Variants in EIF5B observed in about 807,000 individuals in gnomAD.
EIF5B encodes eukaryotic translation initiation factor 5B.
A neutral mutation model predicts 147.5 loss-of-function variants in EIF5B; 47 were observed. The ratio of observed to expected loss-of-function variants is 0.32; its 90% CI spans 0.25 to 0.41. EIF5B has a LOEUF of 0.41. EIF5B is among the 10% of genes least tolerant of loss of function. EIF5B has a pLI of 1.00. For synonymous variants in EIF5B, 455 were observed against 456.2 expected (o/e 1.00, Z 0.03); for missense variants, 1,064 against 1,413.2 (o/e 0.75, Z 3.96).
At chr2:99,393,748 G>C (rs2104253253) in intron 18 of EIF5B, among the ~76,000 whole-genome samples, 1 of 152,330 alleles carries the variant, frequency 6.6e-6, no homozygotes, top group Admixed American at 6.5e-5. Context: ...CCAGTCCTGA[G>C]TATGGAGTGG....
intron 8 of EIF5B, 118 bp from the exon 9 acceptor site, chr2:99,371,538 T>G: frequency 1.3e-6 from 1 of 790,726 alleles, no homozygotes; most frequent in East Asian, 2.8e-5. Context: ...GCATACATAT[T>G]TTTTACATAA....
At chr2:99,349,175 G>A (rs1475852992) in intron 1 of EIF5B, among the ~76,000 whole-genome samples, 1 of 152,230 alleles carries the variant, frequency 6.6e-6, no homozygotes, top group Non-Finnish European at 1.5e-5. Context: ...CATTAAAGGA[G>A]ATAGACCTCC....
At chr2:99,349,834 C>G (rs960273359) in intron 1 of EIF5B, among the ~76,000 whole-genome samples, 12 of 152,152 alleles carry the variant, frequency 7.9e-5, no homozygotes, top group Admixed American at 5.9e-4. Flanking sequence ...TCTTTTCTAG[C>G]TGTTTGAAGT....
At chr2:99,384,038 A>G (rs1245536630) in intron 14 of EIF5B, among the ~76,000 whole-genome samples, 1 of 151,800 alleles carries the variant, frequency 6.6e-6, no homozygotes, top group Non-Finnish European at 1.5e-5. Flanking sequence ...TCTACTAAAA[A>G]TACAAAAAGT....
intron 14 of EIF5B, among the ~76,000 whole-genome samples, chr2:99,385,788 T>G (rs1385837868): frequency 3.9e-5 from 6 of 152,174 alleles, no homozygotes; most frequent in Non-Finnish European, 8.8e-5. Context: ...AGTGTTTAAT[T>G]TGTTTTGACA....
chr2:99,343,316 T>G (rs549059891), intron 1 of EIF5B, among the ~76,000 whole-genome samples: 3 of 151,628 alleles, frequency 2.0e-5, no homozygotes, highest in Middle Eastern at 3.4e-3. Flanking sequence ...TACTAGATCC[T>G]TATCAGATAT....
chr2:99,369,369 C>T (rs759588753), intron 7 of EIF5B, 23 bp from the exon 8 acceptor site: 4 of 1,579,532 alleles, frequency 2.5e-6, no homozygotes, highest in Non-Finnish European at 2.6e-6. Context: ...AAAATATTAT[C>T]TTGGTTTCTG....
chr2:99,377,457 C>G (rs189077658), intron 10 of EIF5B, among the ~76,000 whole-genome samples: 21 of 150,968 alleles, frequency 1.4e-4, no homozygotes, highest in African/African-American at 4.6e-4. Context: ...TTGTATGATA[C>G]CAAACAACAT....
intron 1 of EIF5B, among the ~76,000 whole-genome samples, chr2:99,344,377 A>G (rs1054307136): frequency 6.6e-6 from 1 of 150,618 alleles, no homozygotes; most frequent in African/African-American, 2.4e-5. Flanking sequence ...TTTGGTCTGT[A>G]TGTCTGTGTC....
chr2:99,394,615 T>A (rs772673321), intron 20 of EIF5B, 30 bp downstream of exon 20: 1 of 1,613,658 alleles, frequency 6.2e-7, no homozygotes, highest in Non-Finnish European at 8.5e-7. Flanking sequence ...ATGAAGGCTT[T>A]CATGTTACGT....
At chr2:99,383,020 T>TTATTGTGCTTCACTA in intron 14 of EIF5B, 99 bp downstream of exon 14, 1 of 1,263,758 alleles carries the variant, frequency 7.9e-7, no homozygotes, top group South Asian at 1.7e-5. Context: ...ATAGCTCATT[T>TTATTGTGCTTCACTA]TATTGTGCTT....
At chr2:99,371,489 A>C (rs1056727676) in intron 8 of EIF5B, among the ~76,000 whole-genome samples, 167 bp from the exon 9 acceptor site, 18 of 46,452 alleles carry the variant, frequency 3.9e-4, no homozygotes, top group Non-Finnish European at 9.0e-5. Flanking sequence ...ACTCCGTCTC[A>C]AAAAAAAAAA....
chr2:99,378,503 A>G lies in EIF5B; in HGVS notation c.1843-516A>G, dbSNP rs539560062. On this transcript the variant is annotated intron_variant, in intron 10 of 23. Transcript: ENST00000289371. The stretch of plus-strand genomic sequence containing the variant: ...TTTACTTATTTAAGCTGAACCTTAA[A>G]TAAACAGTCTCCTCCTTGAAAGGTT... 2.4e-4 allele frequency among the ~76,000 whole-genome samples: 37 copies of G among 152,338 alleles called. No homozygotes were observed. In the South Asian group the frequency reaches 7.2e-3, roughly 30 times the overall value.
chr2:99,395,144 G>A (rs1675015473), intron 21 of EIF5B, among the ~76,000 whole-genome samples: 1 of 152,232 alleles, frequency 6.6e-6, no homozygotes, highest in South Asian at 2.1e-4. Flanking sequence ...GTTATTAAAT[G>A]TAGGGACTTT....
At chr2:99,374,268 G>A (rs534785238) in intron 9 of EIF5B, among the ~76,000 whole-genome samples, 46 of 142,492 alleles carry the variant, frequency 3.2e-4, no homozygotes, top group East Asian at 1.8e-3. Context: ...CAGCCTGGGC[G>A]ACAGAGCGAG....
chr2:99,338,222 G>T, intron 1 of EIF5B: 2 of 874,706 alleles, frequency 2.3e-6, no homozygotes, highest in Non-Finnish European at 1.6e-6. Context: ...AAGAAAGGAA[G>T]GGAAGAAGAA....
intron 9 of EIF5B, among the ~76,000 whole-genome samples, chr2:99,372,863 G>A (rs1039360021): frequency 2.6e-5 from 4 of 152,146 alleles, no homozygotes; most frequent in Admixed American, 2.6e-4. Context: ...TAATCATTTT[G>A]TTCAAGTCTT....
chr2:99,384,649 G>C (rs556917438), intron 14 of EIF5B, among the ~76,000 whole-genome samples: 1 of 152,220 alleles, frequency 6.6e-6, no homozygotes, highest in Non-Finnish European at 1.5e-5. Flanking sequence ...TATAAACATT[G>C]ATAGGAGTTT....
chr2:99,401,010 A>G lies in EIF5B; in HGVS notation c.*1596A>G. ...TCACTGTAAAAATCCATAAAACTTT[A>G]TAAACAAACATTTTGTAAATAGAAT... is the stretch of plus-strand genomic sequence containing the variant. On this transcript the variant is annotated 3_prime_UTR_variant, in exon 24 of 24. Coordinates refer to ENST00000289371, the MANE Select transcript of EIF5B (RefSeq NM_015904.4). 3.2e-6 allele frequency: 1 copy of G among 313,720 alleles called. No individual in the cohort carries two copies. 19.4% of individuals were successfully genotyped at this position (313,720 alleles called of 1,614,324 possible). A position where few individuals can be genotyped will look rare whatever the true frequency, so the allele number is the denominator to read the frequency against.
Sources: gnomAD v4.1 joint callset for allele counts (sites outside exome capture counted in the v4.1 genomes callset) on GRCh38, gnomAD v4.1.1 for gene constraint, MANE v1.5 for transcripts, NCBI Gene and HGNC (gene_info 2026-07-23, HGNC 2026-07-21) for gene names.